Variants in EYS observed in about 807,000 individuals in gnomAD.
EYS encodes EGF-like photoreceptor maintenance factor.
A neutral mutation model predicts 282.1 loss-of-function variants in EYS; 250 were observed. The ratio of observed to expected loss-of-function variants is 0.89; its 90% CI spans 0.80 to 0.98. The LOEUF (loss-of-function observed/expected upper bound fraction) is 0.98. Among genes scored for constraint, EYS ranks in the 50% least tolerant of loss-of-function variants. The probability of loss-of-function intolerance (pLI) is 0.00; values close to 1 mark genes in which losing one functional copy is unlikely to be tolerated. For synonymous variants in EYS, 1,355 were observed against 1,282.9 expected (o/e 1.06, Z -1.20); for missense variants, 4,016 against 3,709.0 (o/e 1.08, Z -2.15).
At chr6:65,108,073 G>C (rs1394517268) in intron 12 of EYS, among the ~76,000 whole-genome samples, 2 of 151,922 alleles carry the variant, frequency 1.3e-5, no homozygotes, top group African/African-American at 2.4e-5. Context: ...GCATTTACTA[G>C]ATAATTAGCA....
Position 63,864,237 on chromosome 6 carries a change from C to T in EYS, c.7177G>A (p.Asp2393Asn). The change falls in exon 36 of 43, where the codon GAT becomes AAT. Residue 2393 changes from aspartate to asparagine, a missense_variant. Physicochemically the swap from Asp to Asn is conservative, Grantham distance 23. Coordinates refer to ENST00000503581, the MANE Select transcript of EYS (RefSeq NM_001142800.2). Reference protein sequence around the residue: ...GATCVPKSGTDIVCLCPYGRS... With the variant: ...GATCVPKSGTNIVCLCPYGRS... ...CCATATGGGCAGAGGCAGACAATAT[C>T]TGTTCCGGATTTTGGAACACAGGTG... 6.4e-7 allele frequency: 1 copy of T among 1,550,788 alleles called. No homozygotes were observed. The highest frequency in any genetic ancestry group is 2.0e-5 in the Admixed American group (1 of 50,904).
chr6:65,205,784 A>G (rs1445686403), intron 12 of EYS, among the ~76,000 whole-genome samples: 1 of 151,976 alleles, frequency 6.6e-6, no homozygotes, highest in African/African-American at 2.4e-5. Context: ...TTTGCTCCTG[A>G]ATGACTTTCA....
chr6:65,007,786 C>T (rs1771729874), intron 13 of EYS, among the ~76,000 whole-genome samples: 1 of 152,178 alleles, frequency 6.6e-6, no homozygotes, highest in Admixed American at 6.5e-5. Flanking sequence ...CGTGCATGTA[C>T]TTTTTTCTTT....
At chr6:64,019,971 A>G (rs1769107150) in intron 33 of EYS, among the ~76,000 whole-genome samples, 1 of 151,750 alleles carries the variant, frequency 6.6e-6, no homozygotes, top group Non-Finnish European at 1.5e-5. Context: ...AGGCTATGAA[A>G]TAGATCAGAA....
intron 30 of EYS, among the ~76,000 whole-genome samples, chr6:64,269,377 G>A (rs748430107): frequency 6.6e-6 from 1 of 151,972 alleles, no homozygotes; most frequent in African/African-American, 2.4e-5. Flanking sequence ...ATAATTTGTT[G>A]AAAAATCCTG....
intron 12 of EYS, among the ~76,000 whole-genome samples, chr6:65,175,814 A>C (rs1284787541): frequency 6.6e-6 from 1 of 151,530 alleles, no homozygotes; most frequent in Non-Finnish European, 1.5e-5. Context: ...TGACTCAATG[A>C]ATATACAAGA....
chr6:65,214,070 A>G (rs949910005), intron 12 of EYS, among the ~76,000 whole-genome samples: 7 of 145,258 alleles, frequency 4.8e-5, no homozygotes, highest in Non-Finnish European at 1.1e-4. Flanking sequence ...GAGGCAGGAG[A>G]ATGGTGTGGA....
At chr6:64,712,923 C>T (rs1771259759) in intron 22 of EYS, among the ~76,000 whole-genome samples, 1 of 152,158 alleles carries the variant, frequency 6.6e-6, no homozygotes, top group Admixed American at 6.6e-5. Context: ...AGATCAAATT[C>T]ATAAAGCCAC....
At chr6:64,508,619 T>C (rs1771760429) in intron 26 of EYS, among the ~76,000 whole-genome samples, 1 of 150,008 alleles carries the variant, frequency 6.7e-6, no homozygotes, top group Non-Finnish European at 1.5e-5. Flanking sequence ...GCCTGTTGCA[T>C]TTGTTATCTT....
At chr6:64,334,483 G>T (rs2150392552) in intron 29 of EYS, among the ~76,000 whole-genome samples, 1 of 152,280 alleles carries the variant, frequency 6.6e-6, no homozygotes, top group South Asian at 2.1e-4. Context: ...GAAAGATAAT[G>T]AATGGCCCCC....
chr6:65,550,141 A>ATTTTTTTTTTTT (rs1562254216), intron 2 of EYS, among the ~76,000 whole-genome samples: 1 of 7,206 alleles, frequency 1.4e-4, no homozygotes, highest in African/African-American at 1.1e-3. Context: ...ACTCTACTAT[A>ATTTTTTTTTTTT]TCTTTTTTTT....
rs542052800 is a variant in EYS, at chr6:64,949,157, C to T, written c.2260-3243G>A. ...TAGTATATTAGTTTTCTCTTACTGC[C>T]TAAAAGATTACTACAAGTTTCGTGT... is the stretch of plus-strand genomic sequence containing the variant. On this transcript the variant is annotated intron_variant, in intron 14 of 42. Coordinates refer to ENST00000503581, the MANE Select transcript of EYS (RefSeq NM_001142800.2). Among the ~76,000 whole-genome samples, 3 of 151,838 alleles carry T rather than the reference C, an allele frequency of 2.0e-5. No homozygotes were observed. In the South Asian group the frequency reaches 6.2e-4, roughly 31 times the overall value.
chr6:63,984,208 C>T (rs1431557694), intron 35 of EYS, among the ~76,000 whole-genome samples, 175 bp downstream of exon 35: 1 of 151,714 alleles, frequency 6.6e-6, no homozygotes, highest in African/African-American at 2.4e-5. Flanking sequence ...ATATACATTT[C>T]TTTGGACAAA....
At chr6:65,584,435 A>G (rs2127362927) in intron 2 of EYS, among the ~76,000 whole-genome samples, 1 of 152,182 alleles carries the variant, frequency 6.6e-6, no homozygotes, top group South Asian at 2.1e-4. Context: ...TATGGTTTCT[A>G]TATCTGGGAT....
intron 12 of EYS, among the ~76,000 whole-genome samples, chr6:65,276,745 A>C (rs1042334662): frequency 6.9e-6 from 1 of 144,940 alleles, no homozygotes; most frequent in Non-Finnish European, 1.6e-5. Context: ...GAGGTAGTTA[A>C]TGAAGCCAAA....
At chr6:65,365,115 G>A (rs547181139) in intron 8 of EYS, among the ~76,000 whole-genome samples, 1 of 151,652 alleles carries the variant, frequency 6.6e-6, no homozygotes, top group Non-Finnish European at 1.5e-5. Flanking sequence ...TCAATCTAGG[G>A]AAACTTGGTA....
At chr6:65,040,444 A>G (rs1056804925) in intron 13 of EYS, among the ~76,000 whole-genome samples, 1 of 151,758 alleles carries the variant, frequency 6.6e-6, no homozygotes, top group East Asian at 1.9e-4. Context: ...TGATAAGGAC[A>G]TCAGTCATAT....
chr6:64,845,011 T>C (rs187151327), intron 19 of EYS, among the ~76,000 whole-genome samples: 44 of 152,214 alleles, frequency 2.9e-4, no homozygotes, highest in Admixed American at 2.2e-3. Context: ...AAATAAATTT[T>C]AGTGTGGTGG....
At chr6:63,970,223 T>C (rs139528926) in intron 35 of EYS, among the ~76,000 whole-genome samples, 3 of 152,324 alleles carry the variant, frequency 2.0e-5, no homozygotes, top group Non-Finnish European at 2.9e-5. Context: ...ATGTTAAGAA[T>C]TTTCAGATGA....
Sources: gnomAD v4.1 joint callset for allele counts (sites outside exome capture counted in the v4.1 genomes callset) on GRCh38, gnomAD v4.1.1 for gene constraint, MANE v1.5 for transcripts, NCBI Gene and HGNC (gene_info 2026-07-23, HGNC 2026-07-21) for gene names.